PRH1: variants seen among roughly 807,000 people sequenced by gnomAD.
PRH1 encodes salivary acidic proline-rich phosphoprotein 1/2.
In PRH1, 7 loss-of-function variants were observed where a neutral mutation model predicts 7.9. The observed-to-expected ratio is 0.89, with a 90% CI of 0.50 to 1.67. The LOEUF (loss-of-function observed/expected upper bound fraction) is 1.67, where lower values mean the gene tolerates loss of function less well. Among genes scored for constraint, PRH1 ranks in the 40% most tolerant of loss-of-function variants. PRH1 has a pLI of 0.00. For synonymous variants in PRH1, 45 were observed against 80.8 expected (o/e 0.56, Z 2.38); for missense variants, 109 against 223.6 (o/e 0.49, Z 3.27).
chr12:11,154,789 A>G (rs1387842181), intron 1 of PRH1, among the ~76,000 whole-genome samples: 1 of 152,212 alleles, frequency 6.6e-6, no homozygotes, highest in East Asian at 1.9e-4. Context: ...TTTCTTCTGG[A>G]AAGAAATTTT....
chr12:11,022,738 T>C (rs1941725532), intron 1 of PRH1: 2 of 593,488 alleles, frequency 3.4e-6, no homozygotes, highest in African/African-American at 1.9e-5. Flanking sequence ...TGCTAATAGA[T>C]GAATTCAAAA....
chr12:10,928,527 A>C lies in PRH1; in HGVS notation c.-58-44252T>G, dbSNP rs149350201. On this transcript the variant is annotated intron_variant, in intron 2 of 3. Transcript: ENST00000539853. The stretch of plus-strand genomic sequence containing the variant: ...GGTTTCTGTGTTCAGTTTTGCTTTA[A>C]TAATCCCTAAAGATATTTTTTAAAA... 3.3e-5 allele frequency among the ~76,000 whole-genome samples: 5 copies of C among 152,328 alleles called. No individual in the cohort carries two copies. In the East Asian group the frequency reaches 7.7e-4, roughly 23 times the overall value.
intron 2 of PRH1, among the ~76,000 whole-genome samples, chr12:10,913,163 C>T (rs1388332396): frequency 5.3e-5 from 8 of 152,152 alleles, no homozygotes; most frequent in Admixed American, 5.2e-4. Flanking sequence ...ATTCTAATGT[C>T]TTTTTCCTTA....
At chr12:10,953,451 C>A (rs143339023) in intron 2 of PRH1, among the ~76,000 whole-genome samples, 3,006 of 152,158 alleles carry the variant, frequency 0.02, 34 homozygotes, top group South Asian at 0.032. Flanking sequence ...CATCACTTCA[C>A]GAATTTTGGA....
chr12:11,045,772 A>AT (rs1214153613), intron 1 of PRH1, among the ~76,000 whole-genome samples: 2 of 152,140 alleles, frequency 1.3e-5, no homozygotes, highest in East Asian at 3.8e-4. Context: ...AATTTCCAAG[A>AT]TTCCTGGTGC....
rs557052586 is a variant in PRH1 at position 11,096,543 on chromosome 12, G to C, written n.124-49355C>G. On this transcript the variant is annotated intron_variant and non_coding_transcript_variant, in intron 1 of 4. Coordinates refer to the PRH1 transcript ENST00000541977. ...ATATTTTTATTTTTGTAATACTTTG[G>C]TCAAAGAAGAGAGTAAAAGCAGGAT... is the stretch of plus-strand genomic sequence containing the variant. 1.7e-5 allele frequency among the ~76,000 whole-genome samples: 2 copies of C among 115,232 alleles called. 1 individual carries two copies. Among genetic ancestry groups the C allele is most frequent in the South Asian group, 4.7e-4 (2 of 4,232 alleles). 75.6% of individuals were successfully genotyped at this position (115,232 alleles called of 152,430 possible).
Position 11,168,413 on chromosome 12 carries a change from A to G in PRH1, n.39+3009T>C, listed in dbSNP as rs1040814023. Among the ~76,000 whole-genome samples, 2 of 148,098 alleles carry G rather than the reference A, an allele frequency of 1.4e-5. 1 individual carries two copies. Among genetic ancestry groups the G allele is most frequent in the African/African-American group, 5.0e-5 (2 of 40,066 alleles). ...GAAAGAAAGAAAGAAAGAAAGAAAG[A>G]AAGAAAGGAAAAGAAAAGAAAAGAA... On this transcript the variant is annotated intron_variant and non_coding_transcript_variant, in intron 1 of 1. Transcript: ENST00000541175.
At chr12:11,150,145 G>A (rs1443529938) in intron 1 of PRH1, among the ~76,000 whole-genome samples, 2 of 151,782 alleles carry the variant, frequency 1.3e-5, no homozygotes, top group African/African-American at 4.8e-5. Context: ...AGTTAGAATG[G>A]CAATCACTAA....
chr12:10,951,138 C>T (rs752582586), intron 2 of PRH1, among the ~76,000 whole-genome samples: 2 of 152,106 alleles, frequency 1.3e-5, no homozygotes, highest in African/African-American at 2.4e-5. Context: ...ATTTAAACAA[C>T]GTCTCTTCTT....
intron 1 of PRH1, among the ~76,000 whole-genome samples, chr12:11,100,527 A>G (rs2597973): frequency 0.46 from 69,186 of 152,018 alleles, 16,558 homozygotes; most frequent in Non-Finnish European, 0.53. Context: ...AAGTATCTCC[A>G]CCACAGCTCC....
intron 1 of PRH1, chr12:10,973,787 G>A: frequency 1.3e-6 from 1 of 742,112 alleles, no homozygotes; most frequent in East Asian, 2.5e-5. Flanking sequence ...TGCAAACAAG[G>A]AGGGCCAGCT....
intron 1 of PRH1, among the ~76,000 whole-genome samples, chr12:11,008,694 G>C (rs749729245): frequency 5.9e-5 from 9 of 152,078 alleles, no homozygotes; most frequent in Non-Finnish European, 1.3e-4. Context: ...TCAGACAGAT[G>C]CATGTACATG....
intron 1 of PRH1, among the ~76,000 whole-genome samples, chr12:11,132,258 T>A: frequency 6.6e-6 from 1 of 152,394 alleles, no homozygotes; most frequent in South Asian, 2.1e-4. Flanking sequence ...TACATAGATT[T>A]CATAGATACT....
chr12:11,108,654 C>A (rs1043425224), intron 1 of PRH1, among the ~76,000 whole-genome samples: 3 of 152,208 alleles, frequency 2.0e-5, no homozygotes, highest in African/African-American at 7.2e-5. Context: ...TACACTTTCC[C>A]CATGGTCTTC....
intron 1 of PRH1, among the ~76,000 whole-genome samples, chr12:11,032,945 T>A (rs1353237112): frequency 6.6e-6 from 1 of 152,288 alleles, no homozygotes; most frequent in South Asian, 2.1e-4. Flanking sequence ...GAGTATGGCC[T>A]ATCTAGTACA....
At chr12:11,005,793 G>A (rs552668236) in intron 1 of PRH1, 1 of 152,028 alleles carries the variant, frequency 6.6e-6, no homozygotes, top group South Asian at 2.1e-4. Context: ...TATCTCTCGT[G>A]CTTAAGCTTT....
chr12:11,102,178 T>C (rs1420498817), intron 1 of PRH1, among the ~76,000 whole-genome samples: 3 of 152,076 alleles, frequency 2.0e-5, no homozygotes, highest in Non-Finnish European at 4.4e-5. Flanking sequence ...CTTCACAGAA[T>C]TGGAAAAAAA....
chr12:10,899,590 C>G (rs531644248), intron 2 of PRH1, among the ~76,000 whole-genome samples: 293 of 152,286 alleles, frequency 1.9e-3, no homozygotes, highest in African/African-American at 6.9e-3. Context: ...GGTTTATTCT[C>G]TCTTCACATG....
At chr12:10,951,489 A>G (rs563808155) in intron 2 of PRH1, among the ~76,000 whole-genome samples, 1 of 152,302 alleles carries the variant, frequency 6.6e-6, no homozygotes, top group African/African-American at 2.4e-5. Context: ...ACACATATAC[A>G]TATACCCCAC....
Sources: allele counts gnomAD v4.1 joint callset (sites outside exome capture counted in the v4.1 genomes callset), GRCh38; gene constraint gnomAD v4.1.1; transcripts MANE v1.5; gene names NCBI Gene and HGNC (gene_info 2026-07-23, HGNC 2026-07-21).